KIF9: variants seen among roughly 807,000 people sequenced by gnomAD.
KIF9 encodes the protein kinesin family member 9, also known as kinesin-like protein KIF9.
A neutral mutation model predicts 94.8 loss-of-function variants in KIF9; 68 were observed. The ratio of observed to expected loss-of-function variants is 0.72; its 90% confidence interval spans 0.59 to 0.88. KIF9 has a LOEUF of 0.88. Ranked by LOEUF, KIF9 falls within the 40% of genes least tolerant of loss-of-function variation. The pLI is 0.00. For synonymous variants in KIF9, 343 were observed against 362.1 expected, an observed-to-expected ratio of 0.95 and a Z score of 0.60; for missense variants, 882 against 982.5, an observed-to-expected ratio of 0.90 and a Z score of 1.37.
At position 47,265,978 on chromosome 3, in the gene KIF9, C is replaced by T. The variant is rs2107443174; in HGVS notation, c.769-101G>A. On this transcript the variant is annotated intron_variant, in intron 7 of 20. Transcript: ENST00000684063. ...TGGAGAAATGCTATAAGTCTGTGGTCAGGTCAGCGCCTCCTTCCCAGAACC... is the reference window on the plus strand; with the variant it reads ...TGGAGAAATGCTATAAGTCTGTGGTTAGGTCAGCGCCTCCTTCCCAGAACC... 3 of 1,281,048 alleles carry T rather than the reference C, an allele frequency of 2.3e-6. No homozygotes were observed. In the South Asian group the frequency reaches 4.0e-5, roughly 17 times the overall value. 79.4% of individuals were successfully genotyped at this position (1,281,048 alleles called of 1,614,324 possible).
chr3:47,252,679 T>G (rs1282321285), intron 10 of KIF9, among the ~76,000 whole-genome samples: 1 of 151,816 alleles, frequency 6.6e-6, no homozygotes, highest in Non-Finnish European at 1.5e-5. Flanking sequence ...GGTTCACGGG[T>G]AGCAATGTTG....
chr3:47,266,429 A>G (rs747648612), intron 7 of KIF9, among the ~76,000 whole-genome samples: 3 of 152,210 alleles, frequency 2.0e-5, no homozygotes, highest in Non-Finnish European at 4.4e-5. Flanking sequence ...GGATCGCTTG[A>G]GCCCAGGAGT....
In KIF9 at chr3:47,235,657, T is replaced by A. The variant is rs776650017; in HGVS notation, c.2218-40A>T. 3 of 1,502,026 alleles carry A rather than the reference T, an allele frequency of 2.0e-6. No homozygotes were observed. The East Asian group carries it at 6.8e-5, about 34-fold the overall frequency. The allele number at this position is 1,502,026 out of a possible 1,614,324, so 93.0% of individuals were successfully genotyped here. A position where few individuals can be genotyped will look rare whatever the true frequency, so the allele number is the denominator to read the frequency against. On this transcript the variant is annotated intron_variant, in intron 19 of 20. Coordinates refer to ENST00000684063, the MANE Select transcript of KIF9 (RefSeq NM_182902.4). ...TCCCTTTAGCATGGTATTGTCAGGATATACCCTAGCAGAGCCTGTGGTGTG... is the reference window on the plus strand; with the variant it reads ...TCCCTTTAGCATGGTATTGTCAGGAAATACCCTAGCAGAGCCTGTGGTGTG...
In KIF9 at chr3:47,256,419, T is replaced by C. The variant is rs558233432; in HGVS notation, c.1059+1064A>G. Reference sequence around the variant, plus strand: ...GCCCCTCCGCCCGGCAGCCACCCCATCTGGGAAGTGAGGAGCATCTCCGCC... The same window carrying C: ...GCCCCTCCGCCCGGCAGCCACCCCACCTGGGAAGTGAGGAGCATCTCCGCC... On this transcript the variant is annotated intron_variant, in intron 10 of 20. Coordinates refer to ENST00000684063, the MANE Select transcript of KIF9 (RefSeq NM_182902.4). Among the ~76,000 whole-genome samples, 42 of 150,738 alleles carry C rather than the reference T, an allele frequency of 2.8e-4. No individual in the cohort carries two copies. In the South Asian group the frequency reaches 8.8e-3, roughly 32 times the overall value.
intron 5 of KIF9, among the ~76,000 whole-genome samples, chr3:47,268,417 G>A (rs1391565411): frequency 3.3e-5 from 5 of 152,044 alleles, no homozygotes; most frequent in Admixed American, 1.3e-4. Context: ...GGAGAGGAGA[G>A]CACCCGCTGA....
rs1049419082 is a variant in KIF9 at position 47,240,879 on chromosome 3, G to A, written c.1846C>T (p.His616Tyr). The change falls in exon 17 of 21, where the codon CAC becomes TAC. Residue 616 changes from histidine (H) to tyrosine (Y), a missense_variant. Physicochemically the swap from His to Tyr is moderately conservative, Grantham distance 83. Transcript: ENST00000684063. ...RRKRASETTQHINAIKREIDV... is the reference protein window; with the variant it reads ...RRKRASETTQYINAIKREIDV... Reference sequence around the variant, plus strand: ...ATCTCCCGCTTGATGGCATTGATGTGCTGTGTGGTCTCGCTGGCCCTTTTC... The same window carrying A: ...ATCTCCCGCTTGATGGCATTGATGTACTGTGTGGTCTCGCTGGCCCTTTTC... The A allele has an allele frequency of 5.0e-6, 8 of 1,614,038 alleles. No individual in the cohort carries two copies. In the Admixed American group the frequency reaches 1.0e-4, roughly 20 times the overall value.
chr3:47,236,884 G>T (rs1448544504), intron 17 of KIF9, among the ~76,000 whole-genome samples: 1 of 152,210 alleles, frequency 6.6e-6, no homozygotes, highest in Non-Finnish European at 1.5e-5. Flanking sequence ...AGGTACAGAA[G>T]GCCCATGCTC....
intron 5 of KIF9, among the ~76,000 whole-genome samples, chr3:47,267,911 A>T (rs1346556490): frequency 2.9e-5 from 4 of 137,816 alleles, no homozygotes; most frequent in Non-Finnish European, 6.1e-5. Context: ...TCAGTCTGTC[A>T]CCCATACTAG....
intron 17 of KIF9, 67 bp from the exon 18 acceptor site, chr3:47,236,686 T>G (rs1699052821): frequency 6.9e-7 from 1 of 1,443,728 alleles, no homozygotes; most frequent in Admixed American, 1.8e-5. Flanking sequence ...AGGAAGGGAT[T>G]CCAGAAGGTG....
At chr3:47,278,121 G>T (rs952454330) in intron 1 of KIF9, among the ~76,000 whole-genome samples, 1 of 151,890 alleles carries the variant, frequency 6.6e-6, no homozygotes, top group Non-Finnish European at 1.5e-5. Flanking sequence ...ACCCAGGTTG[G>T]AGTGCAGTGG....
chr3:47,248,751 C>T (rs187298299), intron 10 of KIF9, among the ~76,000 whole-genome samples: 28 of 152,196 alleles, frequency 1.8e-4, no homozygotes, highest in Admixed American at 3.9e-4. Flanking sequence ...CACCAGAATG[C>T]TTTCTTTTTA....
intron 20 of KIF9, among the ~76,000 whole-genome samples, chr3:47,234,789 C>G (rs772929292): frequency 1.2e-4 from 18 of 151,066 alleles, no homozygotes; most frequent in Non-Finnish European, 2.9e-5. Context: ...CTCCTGACCT[C>G]AAGTGATCCA....
rs779680745 is a variant in KIF9 at position 47,257,466 on chromosome 3, C to T, written c.1059+17G>A. ...CTTTCCCCACAGTGGGACACCTGTCCACAACCCCTGCTGTACCTCAGCATC... is the reference window on the plus strand; with the variant it reads ...CTTTCCCCACAGTGGGACACCTGTCTACAACCCCTGCTGTACCTCAGCATC... On this transcript the variant is annotated intron_variant, in intron 10 of 20. Coordinates refer to ENST00000684063, the MANE Select transcript of KIF9 (RefSeq NM_182902.4). 1.9e-6 allele frequency: 3 copies of T among 1,611,544 alleles called. No homozygotes were observed. In the African/African-American group the frequency reaches 4.0e-5, roughly 21 times the overall value.
At chr3:47,268,453 C>A (rs1701430316) in intron 5 of KIF9, among the ~76,000 whole-genome samples, 1 of 152,166 alleles carries the variant, frequency 6.6e-6, no homozygotes, top group African/African-American at 2.4e-5. Context: ...GGCTGTGGAG[C>A]AAGCCTAGCA....
At position 47,277,383 on chromosome 3, in the gene KIF9, A is replaced by C; in HGVS notation, c.-5-4T>G. On this transcript the variant is annotated splice_region_variant and splice_polypyrimidine_tract_variant and intron_variant, in intron 1 of 20. Transcript: ENST00000684063. ...TTTTTCCTAGTACCCATTCTAGCTA[A>C]AAAGAAGGGAACAATGAAATTTTGA... 6.2e-7 allele frequency: 1 copy of C among 1,601,654 alleles called. No individual in the cohort carries two copies. The highest frequency in any genetic ancestry group is 8.6e-7 in the Non-Finnish European group (1 of 1,169,068).
intron 5 of KIF9, among the ~76,000 whole-genome samples, chr3:47,270,544 T>G (rs1026911738): frequency 5.3e-5 from 8 of 152,066 alleles, no homozygotes; most frequent in Non-Finnish European, 8.8e-5. Context: ...CATCACCCAC[T>G]GCACCCGGCC....
chr3:47,259,429 T>A (rs921693138), intron 9 of KIF9, among the ~76,000 whole-genome samples: 2 of 152,192 alleles, frequency 1.3e-5, no homozygotes. Context: ...ATGGCTATCA[T>A]GTCTAACCCT....
intron 10 of KIF9, among the ~76,000 whole-genome samples, chr3:47,249,388 T>C (rs956463623): frequency 2.0e-5 from 3 of 150,428 alleles, no homozygotes; most frequent in Non-Finnish European, 4.4e-5. Flanking sequence ...TCAGGTGATC[T>C]GCCCGCCTCA....
In KIF9 at chr3:47,275,437, T is replaced by C. The variant is rs1701901367; in HGVS notation, c.147A>G (p.Gln49=). 6.8e-6 allele frequency: 11 copies of C among 1,613,328 alleles called. No homozygotes were observed. Among genetic ancestry groups the C allele is most frequent in the Non-Finnish European group, 9.3e-6 (11 of 1,179,548 alleles). Residue 49 remains glutamine, a synonymous_variant, in exon 3 of 21, where the codon CAA becomes CAG. Coordinates refer to ENST00000684063, the MANE Select transcript of KIF9 (RefSeq NM_182902.4). ...CCAACTTAAACGACCAGTCTGTCTG[T>C]TGGTTATTGACAACTCCTCTCCGAA... The part of the protein sequence containing the change: ...KDIRRGVVNN[Q]QTDWSFKLDG...
Sources: allele counts gnomAD v4.1 joint callset (sites outside exome capture counted in the v4.1 genomes callset), GRCh38; gene constraint gnomAD v4.1.1; transcripts MANE v1.5; gene names NCBI Gene and HGNC (gene_info 2026-07-23, HGNC 2026-07-21).